The following UNC5D variants were observed in gnomAD, a reference collection of about 807,000 sequenced individuals.
UNC5D encodes netrin receptor UNC5D.
Under a neutral mutation model 105.4 loss-of-function variants are expected in UNC5D, and 39 were observed. That is an observed-to-expected ratio of 0.37 (90% CI 0.29 to 0.48). UNC5D has a LOEUF of 0.48. Ranked by LOEUF, UNC5D falls within the 20% of genes least tolerant of loss-of-function variation. The pLI, the probability that UNC5D is intolerant of heterozygous loss-of-function variation, is 0.98. For missense variants in UNC5D, 991 were observed against 1,202.4 expected, an observed-to-expected ratio of 0.82 and a Z score of 2.60; for synonymous variants, 452 against 450.4, an observed-to-expected ratio of 1.00 and a Z score of -0.04.
intron 1 of UNC5D, chr8:35,254,727 T>A (rs1206129611): frequency 6.6e-6 from 1 of 152,216 alleles, no homozygotes; most frequent in Non-Finnish European, 1.5e-5. Flanking sequence ...TATGTTTCCA[T>A]ACTTTGACAT....
chr8:35,550,786 C>T (rs978716165), intron 2 of UNC5D, among the ~76,000 whole-genome samples: 30 of 152,078 alleles, frequency 2.0e-4, no homozygotes, highest in Admixed American at 9.2e-4. Flanking sequence ...GACTTGATAG[C>T]GGTTGAAAGG....
rs189086702 is a variant in UNC5D at position 35,577,851 on chromosome 8, G to C, written c.466+9610G>C. Among the ~76,000 whole-genome samples, 4 of 152,256 alleles carry C rather than the reference G, an allele frequency of 2.6e-5. No homozygotes were observed. In the East Asian group the frequency reaches 7.7e-4, roughly 29 times the overall value. On this transcript the variant is annotated intron_variant, in intron 3 of 16. Transcript: ENST00000404895. Reference sequence around the variant, plus strand: ...AATCAATGTTAATGTCACCGAAAATGGGTCAAATCAACAGCATGTGATTTG... The same window carrying C: ...AATCAATGTTAATGTCACCGAAAATCGGTCAAATCAACAGCATGTGATTTG...
At chr8:35,473,727 A>G (rs969303073) in intron 1 of UNC5D, among the ~76,000 whole-genome samples, 1 of 152,158 alleles carries the variant, frequency 6.6e-6, no homozygotes, top group Non-Finnish European at 1.5e-5. Flanking sequence ...ACATATGTGG[A>G]CACAATTAAC....
rs73674022 is a variant in UNC5D, at chr8:35,557,286, G to C, written c.322+7776G>C. The stretch of plus-strand genomic sequence containing the variant: ...ACTGGAGAGCTTGGGTGTATTCTTT[G>C]TTTCTGTACTTAAGACTGAACTCGC... On this transcript the variant is annotated intron_variant, in intron 2 of 16. Coordinates refer to ENST00000404895, the MANE Select transcript of UNC5D (RefSeq NM_080872.4). Among the ~76,000 whole-genome samples, 135 of 152,258 alleles carry C rather than the reference G, an allele frequency of 8.9e-4. 1 individual carries two copies. The highest frequency in any genetic ancestry group is 2.7e-3 in the African/African-American group (114 of 41,550).
At chr8:35,730,976 A>T in intron 10 of UNC5D, 36 bp from the exon 11 acceptor site, 2 of 1,603,756 alleles carry the variant, frequency 1.2e-6, no homozygotes, top group Non-Finnish European at 1.7e-6. Flanking sequence ...TAATTGGAAA[A>T]ATCTATGAAT....
chr8:35,431,392 C>A (rs1585827768), intron 1 of UNC5D, among the ~76,000 whole-genome samples: 2 of 152,212 alleles, frequency 1.3e-5, no homozygotes, highest in East Asian at 1.9e-4. Context: ...TTATGCTTAT[C>A]ATGTGCCTAG....
At chr8:35,269,338 TG>T (rs1402400364) in intron 1 of UNC5D, among the ~76,000 whole-genome samples, 1 of 152,188 alleles carries the variant, frequency 6.6e-6, no homozygotes, top group Non-Finnish European at 1.5e-5. Context: ...TCTCTCTGTC[TG>T]GGGTGTGCAC....
At chr8:35,404,682 G>A (rs576082486) in intron 1 of UNC5D, among the ~76,000 whole-genome samples, 21 of 152,174 alleles carry the variant, frequency 1.4e-4, no homozygotes, top group African/African-American at 5.1e-4. Flanking sequence ...CTGCCTCCTG[G>A]GTTCAAGAGA....
At chr8:35,651,090 G>A (rs967645017) in intron 4 of UNC5D, among the ~76,000 whole-genome samples, 2 of 152,112 alleles carry the variant, frequency 1.3e-5, no homozygotes, top group Non-Finnish European at 2.9e-5. Context: ...AACTGAGTTG[G>A]TGTTGTTTAA....
At chr8:35,290,649 T>A (rs1806979628) in intron 1 of UNC5D, among the ~76,000 whole-genome samples, 1 of 152,074 alleles carries the variant, frequency 6.6e-6, no homozygotes, top group African/African-American at 2.4e-5. Flanking sequence ...ATATTAATTT[T>A]AAAAAAAGAA....
At chr8:35,759,530 G>A in intron 14 of UNC5D, 61 bp downstream of exon 14, 1 of 1,566,874 alleles carries the variant, frequency 6.4e-7, no homozygotes, top group Non-Finnish European at 8.6e-7. Context: ...GCATGTCACA[G>A]ATCCTGGCAA....
At chr8:35,420,383 C>A (rs535031805) in intron 1 of UNC5D, among the ~76,000 whole-genome samples, 8 of 152,122 alleles carry the variant, frequency 5.3e-5, no homozygotes, top group Non-Finnish European at 8.8e-5. Context: ...ATGAACACAG[C>A]GTTTTCTCTT....
chr8:35,622,321 A>G (rs925678303), intron 4 of UNC5D, among the ~76,000 whole-genome samples: 11 of 152,124 alleles, frequency 7.2e-5, no homozygotes, highest in African/African-American at 2.7e-4. Context: ...CAGCCTGGCA[A>G]CAGAGAGGGA....
At chr8:35,304,278 G>A (rs1585538619) in intron 1 of UNC5D, among the ~76,000 whole-genome samples, 2 of 151,912 alleles carry the variant, frequency 1.3e-5, no homozygotes, top group Admixed American at 6.6e-5. Context: ...CTGTTGATTT[G>A]CATTTTTGAC....
intron 16 of UNC5D, among the ~76,000 whole-genome samples, chr8:35,779,645 G>A (rs1405667086): frequency 6.6e-6 from 1 of 152,066 alleles, no homozygotes; most frequent in Non-Finnish European, 1.5e-5. Flanking sequence ...TTGCAGAGAT[G>A]GGGTTTCACC....
At chr8:35,277,112 C>A (rs867757841) in intron 1 of UNC5D, among the ~76,000 whole-genome samples, 2 of 152,080 alleles carry the variant, frequency 1.3e-5, no homozygotes, top group Admixed American at 1.3e-4. Flanking sequence ...GTTGGTCTGG[C>A]GATAATTTCC....
chr8:35,775,787 C>T (rs2131745959), intron 16 of UNC5D, among the ~76,000 whole-genome samples: 1 of 152,142 alleles, frequency 6.6e-6, no homozygotes, highest in Non-Finnish European at 1.5e-5. Flanking sequence ...ATCCAGAAGC[C>T]AAGAACGAAG....
At chr8:35,270,683 A>G (rs920139721) in intron 1 of UNC5D, among the ~76,000 whole-genome samples, 1 of 152,208 alleles carries the variant, frequency 6.6e-6, no homozygotes. Flanking sequence ...CAGATCTTAA[A>G]TGATAAAATC....
At chr8:35,604,294 C>T (rs1820113219) in intron 4 of UNC5D, among the ~76,000 whole-genome samples, 1 of 152,122 alleles carries the variant, frequency 6.6e-6, no homozygotes, top group African/African-American at 2.4e-5. Context: ...ATTTCTCCTT[C>T]ACTTATGAAG....
Sources: allele counts gnomAD v4.1 joint callset (sites outside exome capture counted in the v4.1 genomes callset), GRCh38; gene constraint gnomAD v4.1.1; transcripts MANE v1.5; gene names NCBI Gene and HGNC (gene_info 2026-07-23, HGNC 2026-07-21).